FGD4: variants seen among roughly 807,000 people sequenced by gnomAD.
The protein encoded by FGD4 is FYVE, RhoGEF and PH domain-containing protein 4.
FGD4 carries 42 observed loss-of-function variants against 102.0 expected under a neutral mutation model. The ratio of observed to expected loss-of-function variants is 0.41; its 90% CI spans 0.32 to 0.53. FGD4 has a LOEUF of 0.53. Ranked by LOEUF, FGD4 falls within the 20% of genes least tolerant of loss-of-function variation. The pLI is 0.21. For synonymous variants in FGD4, 380 were observed against 375.7 expected, an observed-to-expected ratio of 1.01 and a Z score of -0.13; for missense variants, 902 against 1,078.2, an observed-to-expected ratio of 0.84 and a Z score of 2.29.
intron 1 of FGD4, among the ~76,000 whole-genome samples, chr12:32,545,512 C>G (rs764831780): frequency 1.3e-5 from 2 of 152,196 alleles, no homozygotes; most frequent in Non-Finnish European, 2.9e-5. Flanking sequence ...TGCAACTACT[C>G]AACTCTACTA....
chr12:32,472,056 C>A (rs993256156), intron 1 of FGD4, among the ~76,000 whole-genome samples: 4 of 152,192 alleles, frequency 2.6e-5, no homozygotes, highest in Non-Finnish European at 5.9e-5. Flanking sequence ...ACTACATCAG[C>A]TTGACAGGTC....
In FGD4 at chr12:32,511,493, G is replaced by A. The variant is rs535200979; in HGVS notation, c.167-52644G>A. 3.3e-5 allele frequency among the ~76,000 whole-genome samples: 5 copies of A among 152,070 alleles called. No homozygotes were observed. The East Asian group carries it at 5.8e-4, about 18-fold the overall frequency. ...TTTTTATATTTTTTTTAGTAGAGACGGGGTTTCACCGTGTTAGCCAGGATG... is the reference window on the plus strand; with the variant it reads ...TTTTTATATTTTTTTTAGTAGAGACAGGGTTTCACCGTGTTAGCCAGGATG... On this transcript the variant is annotated intron_variant, in intron 1 of 16. Coordinates refer to ENST00000534526, the MANE Select transcript of FGD4 (RefSeq NM_001370298.3).
intron 4 of FGD4, among the ~76,000 whole-genome samples, chr12:32,591,485 G>A (rs868823283): frequency 2.4e-4 from 36 of 152,126 alleles, no homozygotes; most frequent in African/African-American, 8.5e-4. Flanking sequence ...GCATCTCTCA[G>A]GAAATCATAA....
chr12:32,523,936 C>CCACT (rs768547353), intron 1 of FGD4, among the ~76,000 whole-genome samples: 6 of 152,168 alleles, frequency 3.9e-5, no homozygotes, highest in Non-Finnish European at 8.8e-5. Context: ...TGAGATCCTG[C>CCACT]CACTGCACTC....
At chr12:32,401,679 C>G (rs1248759241) in intron 1 of FGD4, among the ~76,000 whole-genome samples, 3 of 150,674 alleles carry the variant, frequency 2.0e-5, no homozygotes, top group African/African-American at 7.3e-5. Context: ...TTGTGGCAGT[C>G]TACAAATCAT....
intron 2 of FGD4, among the ~76,000 whole-genome samples, chr12:32,572,074 G>A (rs1945715149): frequency 6.6e-6 from 1 of 151,982 alleles, no homozygotes; most frequent in Admixed American, 6.6e-5. Flanking sequence ...GTGCGTGCGT[G>A]TGTGTATGTA....
At chr12:32,419,702 C>T (rs1193303523) in intron 1 of FGD4, among the ~76,000 whole-genome samples, 1 of 152,236 alleles carries the variant, frequency 6.6e-6, no homozygotes, top group African/African-American at 2.4e-5. Flanking sequence ...CCCCAGAGCA[C>T]TCTGGCCTGT....
chr12:32,591,769 A>G (rs1947492798), intron 4 of FGD4, among the ~76,000 whole-genome samples: 1 of 152,242 alleles, frequency 6.6e-6, no homozygotes, highest in Admixed American at 6.5e-5. Context: ...CTGACACTGC[A>G]GTACATTCAT....
At chr12:32,533,318 C>T (rs1008102598) in intron 1 of FGD4, among the ~76,000 whole-genome samples, 1 of 152,152 alleles carries the variant, frequency 6.6e-6, no homozygotes, top group Non-Finnish European at 1.5e-5. Flanking sequence ...TGTGTCTGGA[C>T]ACAAAGAGGA....
At chr12:32,530,942 T>TTTTTTG (rs1941737652) in intron 1 of FGD4, among the ~76,000 whole-genome samples, 5 of 45,192 alleles carry the variant, frequency 1.1e-4, no homozygotes, top group African/African-American at 8.7e-4. Context: ...CTAGCTTTGG[T>TTTTTTG]TTTTTTTTTT....
intron 1 of FGD4, among the ~76,000 whole-genome samples, chr12:32,424,173 A>G (rs1719867545): frequency 6.6e-6 from 1 of 152,078 alleles, no homozygotes; most frequent in African/African-American, 2.4e-5. Flanking sequence ...GCATCCATCA[A>G]CCCGTCATCT....
chr12:32,513,709 G>A (rs972565324), intron 1 of FGD4, among the ~76,000 whole-genome samples: 2 of 151,884 alleles, frequency 1.3e-5, no homozygotes, highest in African/African-American at 4.8e-5. Context: ...GGGTAAAGGA[G>A]TGGAAAGTGT....
chr12:32,528,343 T>G (rs1158809952), intron 1 of FGD4, among the ~76,000 whole-genome samples: 1 of 152,204 alleles, frequency 6.6e-6, no homozygotes, highest in Non-Finnish European at 1.5e-5. Flanking sequence ...CACAAGTCTG[T>G]TATATAAAAT....
At chr12:32,489,778 AGTAAG>A (rs1944028781) in intron 1 of FGD4, among the ~76,000 whole-genome samples, 1 of 152,186 alleles carries the variant, frequency 6.6e-6, no homozygotes, top group Non-Finnish European at 1.5e-5. Flanking sequence ...GTGTGGAGAA[AGTAAG>A]CTCAATGAGG....
intron 5 of FGD4, 142 bp from the exon 6 acceptor site, chr12:32,601,136 T>A (rs1948395852): frequency 1.2e-6 from 1 of 813,922 alleles, no homozygotes; most frequent in Non-Finnish European, 1.9e-6. Context: ...TACTCACTCC[T>A]AAATTTCAAA....
At chr12:32,408,114 C>G (rs565794285) in intron 1 of FGD4, among the ~76,000 whole-genome samples, 4 of 151,972 alleles carry the variant, frequency 2.6e-5, no homozygotes, top group African/African-American at 9.6e-5. Context: ...ATTCCCCTGC[C>G]TCAGCCTCCT....
chr12:32,430,194 G>T (rs1192267415), intron 1 of FGD4, among the ~76,000 whole-genome samples: 1 of 152,074 alleles, frequency 6.6e-6, no homozygotes, highest in African/African-American at 2.4e-5. Flanking sequence ...TGTAATTCCA[G>T]CTACTTGGGA....
chr12:32,528,329 C>T (rs1941467071), intron 1 of FGD4, among the ~76,000 whole-genome samples: 1 of 152,218 alleles, frequency 6.6e-6, no homozygotes, highest in African/African-American at 2.4e-5. Context: ...TCGAAATCTG[C>T]TTACACAAGT....
chr12:32,431,559 G>T (rs1942046129), intron 1 of FGD4, among the ~76,000 whole-genome samples: 1 of 152,082 alleles, frequency 6.6e-6, no homozygotes, highest in Non-Finnish European at 1.5e-5. Flanking sequence ...GTTTATGTCT[G>T]CATGTTTTTC....
Sources: gnomAD v4.1 joint callset for allele counts (sites outside exome capture counted in the v4.1 genomes callset) on GRCh38, gnomAD v4.1.1 for gene constraint, MANE v1.5 for transcripts, NCBI Gene and HGNC (gene_info 2026-07-23, HGNC 2026-07-21) for gene names.